The following CFAP61 variants were observed in gnomAD, a reference collection of about 807,000 sequenced individuals.
CFAP61 encodes the protein cilia and flagella associated protein 61.
CFAP61 carries 107 observed loss-of-function variants against 135.6 expected under a neutral mutation model. The ratio of observed to expected loss-of-function variants is 0.79; its 90% CI spans 0.67 to 0.93. CFAP61 has a LOEUF of 0.93. Ranked by LOEUF, CFAP61 falls within the 40% of genes least tolerant of loss-of-function variation. CFAP61 has a pLI of 0.00. For missense variants in CFAP61, 1,507 were observed against 1,556.2 expected, an observed-to-expected ratio of 0.97 and a Z score of 0.53; for synonymous variants, 575 against 578.5, an observed-to-expected ratio of 0.99 and a Z score of 0.09.
chr20:20,315,119 T>A (rs2057053220), intron 25 of CFAP61, among the ~76,000 whole-genome samples: 1 of 150,684 alleles, frequency 6.6e-6, no homozygotes, highest in South Asian at 2.1e-4. Context: ...CACACTGACT[T>A]CCACAAGGAT....
At chr20:20,100,778 A>G (rs909600692) in intron 8 of CFAP61, among the ~76,000 whole-genome samples, 1 of 152,194 alleles carries the variant, frequency 6.6e-6, no homozygotes, top group East Asian at 1.9e-4. Flanking sequence ...GAAATTCAAA[A>G]TTTAAACTGA....
chr20:20,176,275 C>T (rs756734108), intron 13 of CFAP61, among the ~76,000 whole-genome samples: 3 of 152,138 alleles, frequency 2.0e-5, no homozygotes, highest in Non-Finnish European at 2.9e-5. Flanking sequence ...TTAGTCCAAC[C>T]ATTGTGGAAG....
Position 20,299,913 on chromosome 20 carries a change from C to T in CFAP61, c.3422+1527C>T, listed in dbSNP as rs369472064. Among the ~76,000 whole-genome samples, 6 of 152,334 alleles carry T rather than the reference C, an allele frequency of 3.9e-5. No individual in the cohort carries two copies. In the South Asian group the frequency reaches 6.2e-4, roughly 16 times the overall value. On this transcript the variant is annotated intron_variant, in intron 25 of 26. Transcript: ENST00000245957. ...TCCTAGCCCTAGAACCGCTGGGTCA[C>T]GGAACATGCACGTCTTCAACTTTAC...
At chr20:20,173,398 A>T (rs2054372908) in intron 13 of CFAP61, among the ~76,000 whole-genome samples, 1 of 152,226 alleles carries the variant, frequency 6.6e-6, no homozygotes, top group South Asian at 2.1e-4. Context: ...TCCCACCAGC[A>T]GTGAATGAGA....
chr20:20,346,783 AAAG>A (rs2058650146), intron 26 of CFAP61, among the ~76,000 whole-genome samples: 1 of 152,236 alleles, frequency 6.6e-6, no homozygotes, highest in South Asian at 2.1e-4. Context: ...AGCAGAATTG[AAAG>A]AAGAAATAGT....
chr20:20,106,180 T>G (rs886589650), intron 8 of CFAP61, among the ~76,000 whole-genome samples: 5 of 151,860 alleles, frequency 3.3e-5, no homozygotes, highest in Middle Eastern at 3.2e-3. Flanking sequence ...TTTCAGGGCT[T>G]TCAGGGCAGA....
chr20:20,259,006 C>T (rs570636183), intron 20 of CFAP61, among the ~76,000 whole-genome samples: 1 of 152,276 alleles, frequency 6.6e-6, no homozygotes, highest in Admixed American at 6.5e-5. Context: ...TCTCCTTTCC[C>T]TTTCTTGTTG....
chr20:20,281,297 G>A (rs914493979), intron 22 of CFAP61, among the ~76,000 whole-genome samples: 1 of 152,062 alleles, frequency 6.6e-6, no homozygotes, highest in Non-Finnish European at 1.5e-5. Flanking sequence ...TAAAAGTGGG[G>A]GAAATAGACA....
intron 21 of CFAP61, among the ~76,000 whole-genome samples, chr20:20,271,986 T>G (rs2053393460): frequency 6.6e-6 from 1 of 152,214 alleles, no homozygotes; most frequent in South Asian, 2.1e-4. Flanking sequence ...GTATGTGATA[T>G]TCCGGTAATG....
chr20:20,180,307 C>T (rs932691640), intron 13 of CFAP61, among the ~76,000 whole-genome samples: 8 of 149,388 alleles, frequency 5.4e-5, no homozygotes, highest in African/African-American at 2.0e-4. Context: ...CCAGCCTGGG[C>T]AACAGAGTGA....
chr20:20,282,793 G>A (rs1024727783), intron 22 of CFAP61, among the ~76,000 whole-genome samples: 1 of 152,106 alleles, frequency 6.6e-6, no homozygotes, highest in Non-Finnish European at 1.5e-5. Flanking sequence ...ATGAAAATTA[G>A]CCAGGCATGG....
chr20:20,257,917 T>C (rs2051783713), intron 20 of CFAP61, among the ~76,000 whole-genome samples: 1 of 152,102 alleles, frequency 6.6e-6, no homozygotes, highest in African/African-American at 2.4e-5. Context: ...AGAAATAAGA[T>C]TAAAGAATCC....
intron 8 of CFAP61, among the ~76,000 whole-genome samples, chr20:20,123,396 G>T (rs1302632744): frequency 1.3e-5 from 2 of 151,616 alleles, no homozygotes; most frequent in African/African-American, 4.9e-5. Flanking sequence ...GAATTTTTAT[G>T]GTTTCAGGTC....
chr20:20,144,598 G>T (rs978761037), intron 9 of CFAP61, among the ~76,000 whole-genome samples: 5 of 116,978 alleles, frequency 4.3e-5, no homozygotes, highest in South Asian at 2.5e-4. Context: ...AGAGAGAGAC[G>T]CTAGGACAGA....
chr20:20,316,538 C>T (rs201617198), intron 25 of CFAP61, among the ~76,000 whole-genome samples: 28,833 of 147,128 alleles, frequency 0.2, 3,855 homozygotes, highest in African/African-American at 0.37. Flanking sequence ...TATTTCCTTC[C>T]CCTGCCTAAT....
chr20:20,243,988 A>C (rs57258142), intron 18 of CFAP61, among the ~76,000 whole-genome samples: 2,005 of 152,320 alleles, frequency 0.013, 42 homozygotes, highest in African/African-American at 0.045. Flanking sequence ...CTAAAGCTTC[A>C]AAATGATCTC....
intron 17 of CFAP61, among the ~76,000 whole-genome samples, chr20:20,224,968 T>A (rs2048634537): frequency 6.6e-6 from 1 of 152,098 alleles, no homozygotes; most frequent in African/African-American, 2.4e-5. Flanking sequence ...CAAAACAGAA[T>A]CTCCAATGCA....
chr20:20,212,764 T>C (rs1380406610), intron 17 of CFAP61, among the ~76,000 whole-genome samples: 1 of 152,236 alleles, frequency 6.6e-6, no homozygotes, highest in Non-Finnish European at 1.5e-5. Flanking sequence ...GGGCCTGTTC[T>C]GCTTCGCTGG....
In CFAP61 at chr20:20,269,170, T is replaced by C. The variant is rs866224082; in HGVS notation, c.2503+6040T>C. Among the ~76,000 whole-genome samples the C allele has an allele frequency of 1.2e-3, 94 of 75,920 alleles. 3 individuals carry two copies. Among genetic ancestry groups the C allele is most frequent in the African/African-American group, 2.8e-3 (73 of 25,908 alleles). The allele number at this position is 75,920 out of a possible 152,430, so 49.8% of individuals were successfully genotyped here. ...ATACACACACACACACACACATACA[T>C]ATATGTATATACACACACATATATA... On this transcript the variant is annotated intron_variant, in intron 21 of 26. Transcript: ENST00000245957.
Sources: allele counts gnomAD v4.1 joint callset (sites outside exome capture counted in the v4.1 genomes callset), GRCh38; gene constraint gnomAD v4.1.1; transcripts MANE v1.5; gene names NCBI Gene and HGNC (gene_info 2026-07-23, HGNC 2026-07-21).